TYRO3: variants seen among roughly 807,000 people sequenced by gnomAD.
TYRO3 encodes the protein tyrosine-protein kinase receptor TYRO3.
A neutral mutation model predicts 95.2 loss-of-function variants in TYRO3; 38 were observed. The observed-to-expected ratio is 0.40, with a 90% CI of 0.31 to 0.52. TYRO3 has a LOEUF of 0.52. Among genes scored for constraint, TYRO3 ranks in the 20% least tolerant of loss-of-function variants. TYRO3 has a pLI of 0.56. For synonymous variants in TYRO3, 367 were observed against 432.9 expected (o/e 0.85, Z 1.89); for missense variants, 812 against 1,116.4 (o/e 0.73, Z 3.89).
At chr15:41,572,362 C>T in intron 14 of TYRO3, 81 bp from the exon 15 acceptor site, 2 of 1,539,564 alleles carry the variant, frequency 1.3e-6, no homozygotes, top group Non-Finnish European at 1.8e-6. Context: ...GAGATGGGAC[C>T]CAGCAGGTGG....
intron 14 of TYRO3, among the ~76,000 whole-genome samples, chr15:41,572,065 G>A (rs1946015885): frequency 6.6e-6 from 1 of 152,094 alleles, no homozygotes; most frequent in African/African-American, 2.4e-5. Flanking sequence ...AGGTGTGGTG[G>A]TGTGCACCTT....
At chr15:41,572,908 G>T in intron 15 of TYRO3, 94 bp from the exon 16 acceptor site, 1 of 815,514 alleles carries the variant, frequency 1.2e-6, no homozygotes, top group South Asian at 1.8e-5. Context: ...TGATTCTGGG[G>T]ACAGCCTTCA....
At chr15:41,575,826 C>T (rs1326543577) in intron 18 of TYRO3, among the ~76,000 whole-genome samples, 1 of 152,108 alleles carries the variant, frequency 6.6e-6, no homozygotes, top group Non-Finnish European at 1.5e-5. Flanking sequence ...TGTAAAAAAG[C>T]ATTCCTGGCA....
At chr15:41,561,880 C>G (rs147887256) in intron 3 of TYRO3, 35 of 392,638 alleles carry the variant, frequency 8.9e-5, no homozygotes, top group African/African-American at 6.6e-4. Context: ...GTTTCCGTTG[C>G]TTGAGCAACA....
At position 41,577,902 on chromosome 15, in the gene TYRO3, C is replaced by G. The variant is rs766335605; in HGVS notation, c.2299C>G (p.Gln767Glu). The change falls in exon 19 of 19, where the codon CAG becomes GAG. Residue 767 changes from glutamine (Q) to glutamate (E), a missense_variant. Physicochemically the swap from Gln to Glu is conservative, Grantham distance 29. Coordinates refer to ENST00000263798, the MANE Select transcript of TYRO3 (RefSeq NM_006293.4). Reference sequence around the variant, plus strand: ...CCACCCCAGGTATGATCTCATGTACCAGTGCTGGAGTGCTGACCCCAAGCA... The same window carrying G: ...CCACCCCAGGTATGATCTCATGTACGAGTGCTGGAGTGCTGACCCCAAGCA... ...CMEDVYDLMY[Q>E]CWSADPKQRP... 2 of 1,612,204 alleles carry G rather than the reference C, an allele frequency of 1.2e-6. No homozygotes were observed. The highest frequency in any genetic ancestry group is 1.7e-6 in the Non-Finnish European group (2 of 1,179,960).
In TYRO3 at chr15:41,568,828, AG is replaced by A. The variant is rs1407262623; in HGVS notation, c.1108-48del. 5.0e-6 allele frequency: 8 copies of A among 1,588,144 alleles called. No homozygotes were observed. The South Asian group carries it at 9.1e-5, about 18-fold the overall frequency. ...TTTTCTGTCCTCAGGCCCCAGCTGGAGGCCTTCTCCCCAGGCTCACTATGGG... is the reference window on the plus strand; with the variant it reads ...TTTTCTGTCCTCAGGCCCCAGCTGGAGCCTTCTCCCCAGGCTCACTATGGG... On this transcript the variant is annotated intron_variant, in intron 8 of 18. Coordinates refer to ENST00000263798, the MANE Select transcript of TYRO3 (RefSeq NM_006293.4).
rs757097989 is a variant in TYRO3 at position 41,573,282 on chromosome 15, ACT to A, written c.1986-20_1986-19del. ...GGCCTGTGAGCATGGCAGAAGGCTG[ACT>A]CTCTCCCTCAATGCCCCTTGTAGGC... On this transcript the variant is annotated intron_variant, in intron 16 of 18. Transcript: ENST00000263798. 4 of 1,306,920 alleles carry A rather than the reference ACT, an allele frequency of 3.1e-6. No individual in the cohort carries two copies. The South Asian group carries it at 3.8e-5, about 12-fold the overall frequency. The allele number at this position is 1,306,920 out of a possible 1,614,324, so 81.0% of individuals were successfully genotyped here.
chr15:41,574,390 C>T (rs898390095), intron 18 of TYRO3, among the ~76,000 whole-genome samples: 1 of 152,088 alleles, frequency 6.6e-6, no homozygotes, highest in Non-Finnish European at 1.5e-5. Context: ...GATAACAGAC[C>T]CTGTGACAAG....
In TYRO3 at chr15:41,578,384, T is replaced by G; in HGVS notation, c.*108T>G. 1.4e-6 allele frequency: 2 copies of G among 1,396,960 alleles called. No homozygotes were observed. The highest frequency in any genetic ancestry group is 2.0e-6 in the Non-Finnish European group (2 of 1,024,492). 86.5% of individuals were successfully genotyped at this position (1,396,960 alleles called of 1,614,324 possible). ...CCAGACAGCAAGGTGTGGAGGCTCC[T>G]GTGGTAGTCCTCCCAAGCTGTGCTG... On this transcript the variant is annotated 3_prime_UTR_variant, in exon 19 of 19. Coordinates refer to ENST00000263798, the MANE Select transcript of TYRO3 (RefSeq NM_006293.4).
rs371157436 is a variant in TYRO3 at position 41,572,677 on chromosome 15, G to A, written c.1875+113G>A. On this transcript the variant is annotated intron_variant, in intron 15 of 18. Transcript: ENST00000263798. ...TGCTGGGTAGGGCTGATGGAGCTGG[G>A]TGGGAGTAGGAGGGGTCTGAGTTTG... 132 of 1,339,946 alleles carry A rather than the reference G, an allele frequency of 9.9e-5. No individual in the cohort carries two copies. In the African/African-American group the frequency reaches 1.6e-3, roughly 16 times the overall value. 83.0% of individuals were successfully genotyped at this position (1,339,946 alleles called of 1,614,324 possible). A position where few individuals can be genotyped will look rare whatever the true frequency, so the allele number is the denominator to read the frequency against.
intron 7 of TYRO3, 63 bp downstream of exon 7, chr15:41,567,600 C>T: frequency 7.2e-7 from 1 of 1,381,366 alleles, no homozygotes; most frequent in South Asian, 1.9e-5. Context: ...GCCGTGTTGG[C>T]TGGAGTTCTG....
At position 41,564,176 on chromosome 15, in the gene TYRO3, G is replaced by A. The variant is rs2055691314; in HGVS notation, c.581-8G>A. 2 of 1,226,458 alleles carry A rather than the reference G, an allele frequency of 1.6e-6. No individual in the cohort carries two copies. Among genetic ancestry groups the A allele is most frequent in the Non-Finnish European group, 2.4e-6 (2 of 829,730 alleles). 76.0% of individuals were successfully genotyped at this position (1,226,458 alleles called of 1,614,324 possible). A position where few individuals can be genotyped will look rare whatever the true frequency, so the allele number is the denominator to read the frequency against. ...CTTGGGGAGCTGACTGAGGTTTTCT[G>A]GCCCCAGGGGTGACCCAGAGCACCA... is the stretch of plus-strand genomic sequence containing the variant. On this transcript the variant is annotated splice_region_variant and splice_polypyrimidine_tract_variant and intron_variant, in intron 4 of 18. Transcript: ENST00000263798.
At chr15:41,565,628 C>T (rs2140822868) in intron 6 of TYRO3, among the ~76,000 whole-genome samples, 1 of 150,424 alleles carries the variant, frequency 6.6e-6, no homozygotes, top group Non-Finnish European at 1.5e-5. Flanking sequence ...AGTAGTTCAC[C>T]ATATTAGCCA....
At chr15:41,576,297 G>A (rs1397456874) in intron 18 of TYRO3, among the ~76,000 whole-genome samples, 3 of 151,736 alleles carry the variant, frequency 2.0e-5, no homozygotes, top group Non-Finnish European at 2.9e-5. Context: ...GGATTCAAGC[G>A]ATTCTCGTGC....
rs1360236283 is a variant in TYRO3 at position 41,568,197 on chromosome 15, T to C, written c.962-20T>C. 1 of 1,609,376 alleles carries C rather than the reference T, an allele frequency of 6.2e-7. No homozygotes were observed. The highest frequency in any genetic ancestry group is 2.2e-5 in the East Asian group (1 of 44,878). On this transcript the variant is annotated intron_variant, in intron 7 of 18. Transcript: ENST00000263798. ...GTGGGAAGGGCAGGGGTCTTAGCAA[T>C]CTTCTCTCTTTGGCTGCAGCCCCAG...
Position 41,579,819 on chromosome 15 carries a change from G to A in TYRO3, c.*1543G>A, listed in dbSNP as rs1437155080. 1 of 149,076 alleles carries A rather than the reference G, an allele frequency of 6.7e-6. No individual in the cohort carries two copies. Among genetic ancestry groups the A allele is most frequent in the Non-Finnish European group, 1.5e-5 (1 of 67,714 alleles). 9.2% of individuals were successfully genotyped at this position (149,076 alleles called of 1,614,324 possible). ...GTCGCCCAGGCTGGAGTGCAATTGCGCGATCTGAGCTCACTGCAAGCTCTG... is the reference window on the plus strand; with the variant it reads ...GTCGCCCAGGCTGGAGTGCAATTGCACGATCTGAGCTCACTGCAAGCTCTG... On this transcript the variant is annotated 3_prime_UTR_variant, in exon 19 of 19. Coordinates refer to ENST00000263798, the MANE Select transcript of TYRO3 (RefSeq NM_006293.4).
At chr15:41,560,992 A>G in intron 1 of TYRO3, 135 bp from the exon 2 acceptor site, 1 of 1,086,792 alleles carries the variant, frequency 9.2e-7, no homozygotes, top group Non-Finnish European at 1.4e-6. Context: ...ACACTGTCCT[A>G]CCTCTGCTTC....
rs2055829715 is a variant in TYRO3 at position 41,573,770 on chromosome 15, T to C, written c.2237T>C (p.Ile746Thr). Reference protein sequence around the residue: ...IENAEIYNYLIGGNRLKQPPE... With the variant: ...IENAEIYNYLTGGNRLKQPPE... ...AACGCTGAGATTTACAACTACCTCA[T>C]TGGCGGGAACCGCCTGAAACAGCCT... The change falls in exon 18 of 19, where the codon ATT becomes ACT. Residue 746 changes from isoleucine to threonine, a missense_variant. Physicochemically the swap from Ile to Thr is moderately conservative, Grantham distance 89. Coordinates refer to ENST00000263798, the MANE Select transcript of TYRO3 (RefSeq NM_006293.4). The C allele has an allele frequency of 6.2e-7, 1 of 1,614,274 alleles. No homozygotes were observed. The highest frequency in any genetic ancestry group is 2.2e-5 in the East Asian group (1 of 44,886).
chr15:41,559,564 C>T (rs2052136544), intron 1 of TYRO3, among the ~76,000 whole-genome samples, 183 bp downstream of exon 1: 1 of 152,190 alleles, frequency 6.6e-6, no homozygotes, highest in African/African-American at 2.4e-5. Flanking sequence ...CGGCCGGGCC[C>T]CCACCCCCAA....
Sources: allele counts gnomAD v4.1 joint callset (sites outside exome capture counted in the v4.1 genomes callset), GRCh38; gene constraint gnomAD v4.1.1; transcripts MANE v1.5; gene names NCBI Gene and HGNC (gene_info 2026-07-23, HGNC 2026-07-21).